The following PCDHA6 variants were observed in gnomAD, a reference collection of about 807,000 sequenced individuals.
PCDHA6 encodes protocadherin alpha 6, also known as protocadherin alpha-6.
Under a neutral mutation model 60.3 loss-of-function variants are expected in PCDHA6, and 55 were observed. The ratio of observed to expected loss-of-function variants is 0.91; its 90% CI spans 0.73 to 1.14. PCDHA6 has a LOEUF of 1.14. Ranked by LOEUF, PCDHA6 falls within the 50% of genes most tolerant of loss-of-function variation. The pLI, the probability that PCDHA6 is intolerant of heterozygous loss-of-function variation, is 0.00. For synonymous variants in PCDHA6, 652 were observed against 557.9 expected (o/e 1.17, Z -2.38); for missense variants, 1,327 against 1,256.5 (o/e 1.06, Z -0.85).
intron 1 of PCDHA6, chr5:140,877,241 T>G (rs1554169505): frequency 1.2e-6 from 2 of 1,613,670 alleles, no homozygotes; most frequent in Non-Finnish European, 1.7e-6. Flanking sequence ...GCGGGCCACG[T>G]GGTGGCGAAA....
At chr5:140,978,420 G>A (rs1489182751) in intron 1 of PCDHA6, among the ~76,000 whole-genome samples, 3 of 152,220 alleles carry the variant, frequency 2.0e-5, no homozygotes, top group African/African-American at 7.2e-5. Flanking sequence ...AAAAGAGACT[G>A]TTATCAGTTG....
At position 141,011,260 on chromosome 5, in the gene PCDHA6, C is replaced by T. The variant is rs2098420018; in HGVS notation, c.*1323C>T. On this transcript the variant is annotated 3_prime_UTR_variant, in exon 4 of 4. Coordinates refer to ENST00000529310, the MANE Select transcript of PCDHA6 (RefSeq NM_018909.4). ...TGACTTGTCTTGGTGTGCTAGCCTA[C>T]ACCTTCTCTTTGGTTTAGTTTTCCT... The T allele has an allele frequency of 6.5e-6, 1 of 153,766 alleles. No individual in the cohort carries two copies. The highest frequency in any genetic ancestry group is 6.5e-5 in the Admixed American group (1 of 15,278). 9.5% of individuals were successfully genotyped at this position (153,766 alleles called of 1,614,324 possible).
chr5:141,005,339 T>C (rs920058303), intron 3 of PCDHA6, among the ~76,000 whole-genome samples: 5 of 151,926 alleles, frequency 3.3e-5, no homozygotes, highest in African/African-American at 9.7e-5. Context: ...GCCAAGGGGG[T>C]GCTGCTTGGC....
chr5:140,916,706 G>A (rs1179319029), intron 1 of PCDHA6, among the ~76,000 whole-genome samples: 1 of 152,200 alleles, frequency 6.6e-6, no homozygotes, highest in Admixed American at 6.5e-5. Flanking sequence ...TCCTTAAGCA[G>A]AAGGAAGGAG....
chr5:140,883,930 C>T, intron 1 of PCDHA6: 1 of 1,613,066 alleles, frequency 6.2e-7, no homozygotes, highest in East Asian at 2.2e-5. Context: ...TGCAGGTGTT[C>T]GTGCTGGACG....
rs1179697520 is a variant in PCDHA6 at position 140,829,748 on chromosome 5, G to A, written c.1657G>A (p.Val553Met). 2 of 1,613,722 alleles carry A rather than the reference G, an allele frequency of 1.2e-6. No homozygotes were observed. The highest frequency in any genetic ancestry group is 2.2e-5 in the East Asian group (1 of 44,870). The change falls in exon 1 of 4, where the codon GTG becomes ATG. Residue 553 changes from valine to methionine, a missense_variant. Coordinates refer to ENST00000529310, the MANE Select transcript of PCDHA6 (RefSeq NM_018909.4). ...TCTGGGCAGCAACGTGACGCTGCAG[G>A]TGTTCGTGCTGGACGAGAACGACAA... ...PPLGSNVTLQ[V>M]FVLDENDNAP...
chr5:141,010,327 G>A lies in PCDHA6; in HGVS notation c.*390G>A. 2 of 1,539,744 alleles carry A rather than the reference G, an allele frequency of 1.3e-6. No individual in the cohort carries two copies. Among genetic ancestry groups the A allele is most frequent in the African/African-American group, 2.8e-5 (2 of 72,602 alleles). ...AAAGTTTTGAGATTGAGCAGCTTGG[G>A]AGTTTGTGGCCACTGGGTATGTGTG... On this transcript the variant is annotated 3_prime_UTR_variant, in exon 4 of 4. Transcript: ENST00000529310.
Position 140,830,190 on chromosome 5 carries a change from T to C in PCDHA6, c.2099T>C (p.Leu700Pro). The stretch of plus-strand genomic sequence containing the variant: ...GCGCTGGTGGATGTCAACGTGTACC[T>C]GATCATCGCCATCTGCGCGGTATCC... ...EAALVDVNVY[L>P]IIAICAVSSL... Residue 700 changes from leucine to proline, a missense_variant, in exon 1 of 4, where the codon CTG (leucine) becomes CCG (proline). By Grantham distance (98) the Leu-to-Pro change is moderately conservative. Transcript: ENST00000529310. 1 of 1,613,680 alleles carries C rather than the reference T, an allele frequency of 6.2e-7. No individual in the cohort carries two copies. Among genetic ancestry groups the C allele is most frequent in the Non-Finnish European group, 8.5e-7 (1 of 1,179,880 alleles).
At chr5:140,903,625 A>T (rs2153481028) in intron 1 of PCDHA6, among the ~76,000 whole-genome samples, 1 of 152,362 alleles carries the variant, frequency 6.6e-6, no homozygotes, top group East Asian at 1.9e-4. Context: ...GTGCATGCAT[A>T]TGTATGCATA....
intron 1 of PCDHA6, among the ~76,000 whole-genome samples, chr5:140,943,364 C>T (rs1463652865): frequency 6.6e-6 from 1 of 150,620 alleles, no homozygotes; most frequent in Non-Finnish European, 1.5e-5. Context: ...GAAAGGAGAT[C>T]ATTAAAATAT....
chr5:140,916,028 C>T (rs1554197245), intron 1 of PCDHA6, among the ~76,000 whole-genome samples: 1 of 152,152 alleles, frequency 6.6e-6, no homozygotes, highest in African/African-American at 2.4e-5. Flanking sequence ...TCCCATTCTT[C>T]CCTCCCCTTT....
At chr5:140,926,118 G>C (rs927468824) in intron 1 of PCDHA6, among the ~76,000 whole-genome samples, 3 of 152,174 alleles carry the variant, frequency 2.0e-5, no homozygotes, top group African/African-American at 7.2e-5. Flanking sequence ...GTGCAGGACA[G>C]ACTTCAACCC....
At chr5:140,867,183 G>A (rs1035791499) in intron 1 of PCDHA6, 3 of 151,946 alleles carry the variant, frequency 2.0e-5, no homozygotes, top group Non-Finnish European at 4.4e-5. Flanking sequence ...TCCCTACCTC[G>A]CAAGACTCCA....
intron 1 of PCDHA6, chr5:140,841,278 T>G: frequency 1.3e-6 from 2 of 1,521,566 alleles, no homozygotes; most frequent in South Asian, 1.3e-5. Flanking sequence ...GTCGTTCATC[T>G]TTATATTAAG....
chr5:141,008,074 G>A (rs1484978543), intron 3 of PCDHA6, among the ~76,000 whole-genome samples: 1 of 151,988 alleles, frequency 6.6e-6, no homozygotes, highest in Non-Finnish European at 1.5e-5. Flanking sequence ...AGAACTTATT[G>A]GGGTTATTCT....
intron 1 of PCDHA6, among the ~76,000 whole-genome samples, chr5:140,903,405 G>A (rs2070271184): frequency 6.6e-6 from 1 of 152,184 alleles, no homozygotes; most frequent in Non-Finnish European, 1.5e-5. Flanking sequence ...CAGTAGTGCA[G>A]TCAGGAAAAA....
chr5:140,869,546 C>A (rs201504685), intron 1 of PCDHA6: 3 of 1,614,170 alleles, frequency 1.9e-6, no homozygotes, highest in East Asian at 4.5e-5. Flanking sequence ...TCTAAGCAAT[C>A]GGACTCGCGT....
chr5:140,960,438 T>C (rs1403944664), intron 1 of PCDHA6, among the ~76,000 whole-genome samples: 4 of 152,180 alleles, frequency 2.6e-5, no homozygotes, highest in African/African-American at 9.7e-5. Context: ...ATACTCTAGA[T>C]ATATGTATGG....
chr5:140,931,409 A>G (rs1172534741), intron 1 of PCDHA6, among the ~76,000 whole-genome samples: 1 of 152,082 alleles, frequency 6.6e-6, no homozygotes, highest in African/African-American at 2.4e-5. Flanking sequence ...AGGAAGGCTG[A>G]TGAATCTAGA....
Sources: gnomAD v4.1 joint callset for allele counts (sites outside exome capture counted in the v4.1 genomes callset) on GRCh38, gnomAD v4.1.1 for gene constraint, MANE v1.5 for transcripts, NCBI Gene and HGNC (gene_info 2026-07-23, HGNC 2026-07-21) for gene names.